The following MECOM variants were observed in gnomAD, a reference collection of about 807,000 sequenced individuals.
MECOM encodes histone-lysine N-methyltransferase MECOM.
Under a neutral mutation model 116.3 loss-of-function variants are expected in MECOM, and 13 were observed. The ratio of observed to expected loss-of-function variants is 0.11; its 90% CI spans 0.07 to 0.18. The LOEUF is 0.18. MECOM is among the 10% of genes least tolerant of loss of function. The probability of loss-of-function intolerance (pLI) is 1.00; values close to 1 mark genes in which losing one functional copy is unlikely to be tolerated. For synonymous variants in MECOM, 528 were observed against 535.2 expected, an observed-to-expected ratio of 0.99 and a Z score of 0.19; for missense variants, 1,299 against 1,509.0, an observed-to-expected ratio of 0.86 and a Z score of 2.31.
At chr3:169,205,301 T>C (rs759250103) in intron 2 of MECOM, among the ~76,000 whole-genome samples, 52 of 152,314 alleles carry the variant, frequency 3.4e-4, no homozygotes, top group Non-Finnish European at 5.6e-4. Context: ...CTGTATTTCT[T>C]CCCCTTGAAG....
chr3:169,113,590 T>C (rs1728149339), intron 8 of MECOM, among the ~76,000 whole-genome samples: 1 of 151,918 alleles, frequency 6.6e-6, no homozygotes, highest in Admixed American at 6.6e-5. Context: ...CTTACCTATA[T>C]ATCCCTTCTG....
Position 169,267,045 on chromosome 3 carries a change from C to T in MECOM, c.375+114142G>A, listed in dbSNP as rs116598088. On this transcript the variant is annotated intron_variant, in intron 2 of 16. Transcript: ENST00000651503. ...CCCTCAAAGGGGACTGACTTATGGA[C>T]ATGCACTATTTTCATTGTTCTTTAG... is the stretch of plus-strand genomic sequence containing the variant. Among the ~76,000 whole-genome samples, 628 of 152,328 alleles carry T rather than the reference C, an allele frequency of 4.1e-3. 7 individuals carry two copies. The highest frequency in any genetic ancestry group is 0.015 in the African/African-American group (604 of 41,574).
intron 10 of MECOM, among the ~76,000 whole-genome samples, chr3:169,107,623 C>T (rs1043539162): frequency 6.6e-6 from 1 of 152,116 alleles, no homozygotes; most frequent in Admixed American, 6.6e-5. Context: ...TGACCCATTT[C>T]GAAGCCTCGT....
intron 1 of MECOM, among the ~76,000 whole-genome samples, chr3:169,450,457 A>T (rs564893721): frequency 6.6e-6 from 1 of 152,188 alleles, no homozygotes; most frequent in South Asian, 2.1e-4. Context: ...CTCCAAGCAA[A>T]TCTTGAAGGA....
At chr3:169,587,712 C>T (rs1220465648) in intron 1 of MECOM, among the ~76,000 whole-genome samples, 1 of 152,132 alleles carries the variant, frequency 6.6e-6, no homozygotes, top group East Asian at 1.9e-4. Flanking sequence ...CAATGCTACT[C>T]TAAAGGTGTA....
intron 1 of MECOM, among the ~76,000 whole-genome samples, chr3:169,443,854 T>A (rs1267182736): frequency 6.6e-6 from 1 of 152,208 alleles, no homozygotes; most frequent in Non-Finnish European, 1.5e-5. Context: ...GCTTCAGTTC[T>A]CTCTGAGGAC....
intron 2 of MECOM, among the ~76,000 whole-genome samples, chr3:169,259,344 A>C (rs1171416783): frequency 6.6e-6 from 1 of 152,194 alleles, no homozygotes; most frequent in Non-Finnish European, 1.5e-5. Flanking sequence ...ATACAGTATG[A>C]CTGGCTTGAA....
intron 1 of MECOM, among the ~76,000 whole-genome samples, chr3:169,395,216 G>A (rs1734841099): frequency 6.6e-6 from 1 of 152,142 alleles, no homozygotes; most frequent in African/African-American, 2.4e-5. Context: ...AGGGCAGGGA[G>A]CATGGGTGCC....
Position 169,115,636 on chromosome 3 carries a change from T to C in MECOM, c.2236A>G (p.Thr746Ala). Residue 746 changes from threonine (T) to alanine (A), a missense_variant, in exon 8 of 17, where the codon ACT becomes GCT. Thr to Ala is a moderately conservative substitution (Grantham distance 58, BLOSUM62 0). Coordinates refer to ENST00000651503, the MANE Select transcript of MECOM (RefSeq NM_004991.4). ...GSSESPFDLT[T>A]KRKDEKPLTP... ...AAGGGCTTCTCATCCTTTCGCTTAG[T>C]GGTGAGATCAAAGGGGGACTCAGAG... The C allele has an allele frequency of 6.2e-7, 1 of 1,614,168 alleles. No homozygotes were observed. The highest frequency in any genetic ancestry group is 8.5e-7 in the Non-Finnish European group (1 of 1,180,032).
rs115989724 is a variant in MECOM, at chr3:169,093,567, T to C, written c.3020-465A>G. 4.6e-3 allele frequency among the ~76,000 whole-genome samples: 705 copies of C among 152,308 alleles called. 9 individuals carry two copies. The highest frequency in any genetic ancestry group is 0.016 in the African/African-American group (683 of 41,564). ...AACAAAATACAGTTTAAAGGCACAC[T>C]GAAAATTCTGCATCCTGGTTTGCTG... On this transcript the variant is annotated intron_variant, in intron 13 of 16. Coordinates refer to ENST00000651503, the MANE Select transcript of MECOM (RefSeq NM_004991.4).
intron 1 of MECOM, among the ~76,000 whole-genome samples, chr3:169,526,709 C>T (rs1313710524): frequency 6.6e-6 from 1 of 152,032 alleles, no homozygotes; most frequent in African/African-American, 2.4e-5. Context: ...ATCAACTTTT[C>T]AATGTTTAAA....
rs1265078102 is a variant in MECOM at position 169,103,098 on chromosome 3, G to A, written c.2605-872C>T. ...ATTTGAGAGTCACAAGCAGAAGATG[G>A]CATTTACTTTTAAAGTTGGCTTGAT... is the stretch of plus-strand genomic sequence containing the variant. On this transcript the variant is annotated intron_variant, in intron 10 of 16. Transcript: ENST00000651503. Among the ~76,000 whole-genome samples the A allele has an allele frequency of 3.3e-5, 5 of 150,168 alleles. No individual in the cohort carries two copies. In the Admixed American group the frequency reaches 3.3e-4, roughly 10 times the overall value.
chr3:169,224,010 T>G (rs11717696), intron 2 of MECOM, among the ~76,000 whole-genome samples: 3 of 152,144 alleles, frequency 2.0e-5, no homozygotes, highest in African/African-American at 7.2e-5. Context: ...CAGAATTTTT[T>G]TCTGAGCCAC....
intron 2 of MECOM, among the ~76,000 whole-genome samples, chr3:169,149,969 GTGTGTGTGTCTGTC>G (rs1240560010): frequency 3.6e-4 from 53 of 146,724 alleles, no homozygotes; most frequent in African/African-American, 1.3e-3. Context: ...GTGTGTGTGT[GTGTGTGTGTCTGTC>G]TGTCTGTCTG....
intron 1 of MECOM, among the ~76,000 whole-genome samples, chr3:169,536,065 C>T (rs1156359824): frequency 6.6e-6 from 1 of 152,128 alleles, no homozygotes; most frequent in African/African-American, 2.4e-5. Context: ...TTAGAATCAC[C>T]CACCTTCTGG....
chr3:169,356,560 G>A (rs542505134), intron 2 of MECOM, among the ~76,000 whole-genome samples: 12 of 151,942 alleles, frequency 7.9e-5, no homozygotes, highest in African/African-American at 2.2e-4. Context: ...TGCCACGGAC[G>A]GCTCCATCAG....
intron 1 of MECOM, among the ~76,000 whole-genome samples, chr3:169,469,430 A>G (rs553076906): frequency 6.6e-6 from 1 of 152,316 alleles, no homozygotes; most frequent in African/African-American, 2.4e-5. Context: ...TAAAATTGCC[A>G]AAAGCCCAGC....
At chr3:169,128,106 C>T (rs1733512105) in intron 4 of MECOM, 46 bp from the exon 5 acceptor site, 1 of 1,563,004 alleles carries the variant, frequency 6.4e-7, no homozygotes, top group Non-Finnish European at 8.8e-7. Context: ...CAGGAATTGC[C>T]ATCACAAACC....
At chr3:169,183,761 T>TACACACACACAC (rs71166249) in intron 2 of MECOM, among the ~76,000 whole-genome samples, 1 of 118,736 alleles carries the variant, frequency 8.4e-6, no homozygotes, top group African/African-American at 3.0e-5. Context: ...GATACATACA[T>TACACACACACAC]ACACACACAC....
Sources: gnomAD v4.1 joint callset for allele counts (sites outside exome capture counted in the v4.1 genomes callset) on GRCh38, gnomAD v4.1.1 for gene constraint, MANE v1.5 for transcripts, NCBI Gene and HGNC (gene_info 2026-07-23, HGNC 2026-07-21) for gene names.